MCUB: variants seen among roughly 807,000 people sequenced by gnomAD.
The protein encoded by MCUB is mitochondrial calcium uniporter dominant negative subunit beta.
MCUB carries 46 observed loss-of-function variants against 41.4 expected under a neutral mutation model. The observed-to-expected ratio is 1.11, with a 90% CI of 0.88 to 1.42. MCUB has a LOEUF of 1.42. MCUB is among the 40% of genes most tolerant of loss of function. The pLI is 0.00. For synonymous variants in MCUB, 148 were observed against 148.2 expected (o/e 1.00, Z 0.01); for missense variants, 403 against 404.9 (o/e 1.00, Z 0.04).
At chr4:109,664,509 C>T (rs776489911) in intron 4 of MCUB, 115 bp downstream of exon 4, 57 of 571,006 alleles carry the variant, frequency 1.0e-4, no homozygotes, top group Non-Finnish European at 1.5e-4. Flanking sequence ...ACTGTAATCT[C>T]AAACTCCTGG....
chr4:109,581,647 A>G (rs1157658628), intron 1 of MCUB, among the ~76,000 whole-genome samples: 2 of 152,250 alleles, frequency 1.3e-5, no homozygotes, highest in African/African-American at 4.8e-5. Context: ...ACGAAGGGCT[A>G]ATATCCAGAA....
Position 109,573,844 on chromosome 4 carries a change from T to C in MCUB, c.99+13408T>C, listed in dbSNP as rs554180324. Among the ~76,000 whole-genome samples, 14 of 151,008 alleles carry C rather than the reference T, an allele frequency of 9.3e-5. 1 individual carries two copies. In the South Asian group the frequency reaches 2.9e-3, roughly 32 times the overall value. Reference sequence around the variant, plus strand: ...ATGATTAAGATGGTGAGAGTTCTTGTAGGAGATGATTAAAAGGGTTGAATT... The same window carrying C: ...ATGATTAAGATGGTGAGAGTTCTTGCAGGAGATGATTAAAAGGGTTGAATT... On this transcript the variant is annotated intron_variant, in intron 1 of 7. Transcript: ENST00000394650.
chr4:109,671,750 GGTT>G (rs1325918254), intron 4 of MCUB, among the ~76,000 whole-genome samples: 5 of 152,116 alleles, frequency 3.3e-5, no homozygotes, highest in Admixed American at 6.5e-5. Context: ...TTCAAACTGT[GGTT>G]GTTGTTGTTT....
At chr4:109,595,939 G>A (rs1227181244) in intron 1 of MCUB, among the ~76,000 whole-genome samples, 1 of 146,284 alleles carries the variant, frequency 6.8e-6, no homozygotes, top group Non-Finnish European at 1.5e-5. Context: ...GTAAACTTCT[G>A]TTTTCCACTA....
At chr4:109,670,312 A>C (rs1014207324) in intron 4 of MCUB, among the ~76,000 whole-genome samples, 2 of 152,110 alleles carry the variant, frequency 1.3e-5, no homozygotes, top group Admixed American at 6.5e-5. Flanking sequence ...GGATGGTTAC[A>C]GGTTGCTGAA....
intron 4 of MCUB, among the ~76,000 whole-genome samples, chr4:109,676,558 T>C (rs1729581949): frequency 6.6e-6 from 1 of 152,192 alleles, no homozygotes; most frequent in Non-Finnish European, 1.5e-5. Context: ...TCTAGTCTGC[T>C]CTTCCAAACT....
intron 1 of MCUB, among the ~76,000 whole-genome samples, chr4:109,581,854 G>C (rs1727185054): frequency 6.6e-6 from 1 of 152,178 alleles, no homozygotes; most frequent in Admixed American, 6.5e-5. Context: ...AGTTAGAATG[G>C]TGATCATTAA....
chr4:109,575,162 C>G (rs1726998584), intron 1 of MCUB, among the ~76,000 whole-genome samples: 1 of 152,144 alleles, frequency 6.6e-6, no homozygotes, highest in Non-Finnish European at 1.5e-5. Flanking sequence ...TGTCAGAAAC[C>G]ACTGAGGTTT....
intron 1 of MCUB, among the ~76,000 whole-genome samples, chr4:109,586,324 A>G (rs1300751151): frequency 6.6e-6 from 1 of 152,026 alleles, no homozygotes; most frequent in Non-Finnish European, 1.5e-5. Flanking sequence ...GGTCTTCTCT[A>G]CACTGTTTAT....
chr4:109,560,550 G>A lies in MCUB; in HGVS notation c.99+114G>A, dbSNP rs184404421. The A allele has an allele frequency of 8.1e-6, 4 of 494,460 alleles. No individual in the cohort carries two copies. The Admixed American group carries it at 1.8e-4, about 22-fold the overall frequency. The allele number at this position is 494,460 out of a possible 1,614,324, so 30.6% of individuals were successfully genotyped here. On this transcript the variant is annotated intron_variant, in intron 1 of 7. Transcript: ENST00000394650. Reference sequence around the variant, plus strand: ...GCCGAGCAGTCAACTGCGTTTTGCTGGCTGCCGGGCTCCGCGCGCCGGGCG... The same window carrying A: ...GCCGAGCAGTCAACTGCGTTTTGCTAGCTGCCGGGCTCCGCGCGCCGGGCG...
chr4:109,653,816 C>G (rs1579085052), intron 1 of MCUB, among the ~76,000 whole-genome samples: 2 of 152,198 alleles, frequency 1.3e-5, no homozygotes, highest in African/African-American at 4.8e-5. Flanking sequence ...ATCAGGTGAT[C>G]CACCTGCCTT....
At chr4:109,658,187 A>G (rs1007504146) in intron 1 of MCUB, among the ~76,000 whole-genome samples, 2 of 152,226 alleles carry the variant, frequency 1.3e-5, no homozygotes, top group Admixed American at 6.5e-5. Flanking sequence ...CATATCGGAC[A>G]GCACAGATCT....
At chr4:109,561,598 A>G (rs1051103169) in intron 1 of MCUB, among the ~76,000 whole-genome samples, 7 of 152,232 alleles carry the variant, frequency 4.6e-5, no homozygotes, top group African/African-American at 1.7e-4. Flanking sequence ...TGGTAGACTT[A>G]TAAAGTCATT....
intron 1 of MCUB, among the ~76,000 whole-genome samples, chr4:109,609,862 A>G (rs1157863091): frequency 1.3e-5 from 2 of 152,184 alleles, no homozygotes; most frequent in Non-Finnish European, 2.9e-5. Context: ...CTTTCAGTGC[A>G]GTGAGTTCCC....
intron 1 of MCUB, among the ~76,000 whole-genome samples, chr4:109,649,359 T>C (rs1182555113): frequency 2.0e-5 from 3 of 152,216 alleles, no homozygotes; most frequent in African/African-American, 7.2e-5. Context: ...ACACACTTTT[T>C]TTCTCTCTTC....
At chr4:109,630,939 A>T (rs935951882) in intron 1 of MCUB, among the ~76,000 whole-genome samples, 1 of 152,156 alleles carries the variant, frequency 6.6e-6, no homozygotes, top group South Asian at 2.1e-4. Context: ...ACTTCCTATT[A>T]TACAAGCTGA....
chr4:109,665,722 C>G (rs923261418), intron 4 of MCUB, among the ~76,000 whole-genome samples: 1 of 151,928 alleles, frequency 6.6e-6, no homozygotes, highest in Non-Finnish European at 1.5e-5. Context: ...TATTTTCAAT[C>G]CATGGTTGGT....
At chr4:109,585,403 A>G (rs541792209) in intron 1 of MCUB, among the ~76,000 whole-genome samples, 7 of 152,268 alleles carry the variant, frequency 4.6e-5, no homozygotes, top group Non-Finnish European at 1.0e-4. Flanking sequence ...TCTTTATTCA[A>G]TTTGCCAGTC....
intron 1 of MCUB, among the ~76,000 whole-genome samples, chr4:109,640,825 C>T (rs909488344): frequency 5.3e-5 from 8 of 152,208 alleles, no homozygotes; most frequent in Non-Finnish European, 8.8e-5. Flanking sequence ...CATTTAACTT[C>T]CTTCAAGAAT....
Sources: allele counts gnomAD v4.1 joint callset (sites outside exome capture counted in the v4.1 genomes callset), GRCh38; gene constraint gnomAD v4.1.1; transcripts MANE v1.5; gene names NCBI Gene and HGNC (gene_info 2026-07-23, HGNC 2026-07-21).